Variants in TOP6BL observed in about 807,000 individuals in gnomAD.
TOP6BL encodes the protein TOP6B like initiator of meiotic double strand breaks, also known as type 2 DNA topoisomerase 6 subunit B-like.
the TOP6BL span, among the ~76,000 whole-genome samples, chr11:66,800,110 A>G: frequency 6.6e-6 from 1 of 152,140 alleles, no homozygotes; most frequent in South Asian, 2.1e-4. Context: ...TCCATTGTGT[A>G]TATACCACAT....
At chr11:66,758,835 G>A in the TOP6BL span, among the ~76,000 whole-genome samples, 4 of 152,042 alleles carry the variant, frequency 2.6e-5, no homozygotes, top group Admixed American at 1.3e-4. Context: ...CTTGCTATTC[G>A]GTTATCTCTA....
the TOP6BL span, among the ~76,000 whole-genome samples, chr11:66,822,981 AGACT>A: frequency 6.7e-6 from 1 of 149,108 alleles, no homozygotes; most frequent in Non-Finnish European, 1.5e-5. Context: ...CCTGGGCAAC[AGACT>A]GAGACCTGTC....
At chr11:66,818,351 C>G in the TOP6BL span, among the ~76,000 whole-genome samples, 1 of 152,266 alleles carries the variant, frequency 6.6e-6, no homozygotes, top group South Asian at 2.1e-4. Context: ...GCACTGTTTC[C>G]TGGGGCTCTG....
chr11:66,758,895 TG>T, the TOP6BL span: 1 of 465,050 alleles, frequency 2.2e-6, no homozygotes, highest in Non-Finnish European at 3.8e-6. Flanking sequence ...AGTATTTCTT[TG>T]ATGTTTCCAT....
chr11:66,835,082 G>C, the TOP6BL span, among the ~76,000 whole-genome samples: 1 of 152,148 alleles, frequency 6.6e-6, no homozygotes, highest in South Asian at 2.1e-4. Context: ...TAAATCCAAG[G>C]TGTATTCTGA....
At chr11:66,824,465 C>CT in the TOP6BL span, among the ~76,000 whole-genome samples, 30 of 133,660 alleles carry the variant, frequency 2.2e-4, no homozygotes, top group Non-Finnish European at 4.3e-4. Flanking sequence ...TATTATTATA[C>CT]TTTAAGTTTT....
the TOP6BL span, chr11:66,759,052 C>T: frequency 1.3e-6 from 2 of 1,569,026 alleles, no homozygotes; most frequent in Middle Eastern, 1.7e-4. Flanking sequence ...GTTGCTTCTG[C>T]AGGAAGCCTT....
the TOP6BL span, among the ~76,000 whole-genome samples, chr11:66,819,182 C>G: frequency 2.6e-5 from 4 of 152,140 alleles, no homozygotes; most frequent in Non-Finnish European, 5.9e-5. Flanking sequence ...TTCCATGTGT[C>G]TTTAAGAAAA....
chr11:66,761,677 G>C, the TOP6BL span: 2 of 987,362 alleles, frequency 2.0e-6, no homozygotes, highest in Non-Finnish European at 3.1e-6. Flanking sequence ...CAAAAATGTT[G>C]TCCACCCCTT....
At chr11:66,819,593 A>G in the TOP6BL span, among the ~76,000 whole-genome samples, 2 of 152,150 alleles carry the variant, frequency 1.3e-5, no homozygotes, top group South Asian at 2.1e-4. Flanking sequence ...CAACACAGCG[A>G]GACCTCGTCT....
At chr11:66,822,948 G>A in the TOP6BL span, among the ~76,000 whole-genome samples, 6 of 150,888 alleles carry the variant, frequency 4.0e-5, no homozygotes, top group Admixed American at 2.7e-4. Context: ...AGGCTGAGCC[G>A]TGATCATGCC....
At chr11:66,835,847 A>G in the TOP6BL span, among the ~76,000 whole-genome samples, 17 of 152,358 alleles carry the variant, frequency 1.1e-4, no homozygotes, top group East Asian at 1.2e-3. Flanking sequence ...GCTATTATGA[A>G]TATGCTGTTA....
the TOP6BL span, among the ~76,000 whole-genome samples, chr11:66,767,467 T>C: frequency 6.6e-6 from 1 of 152,204 alleles, no homozygotes; most frequent in Non-Finnish European, 1.5e-5. Flanking sequence ...TTTATAGATC[T>C]TTATTTTGCT....
At chr11:66,812,465 C>G in the TOP6BL span, among the ~76,000 whole-genome samples, 10 of 152,100 alleles carry the variant, frequency 6.6e-5, no homozygotes, top group African/African-American at 2.2e-4. Context: ...TGTGAGCCAC[C>G]GCGCCTGGCC....
chr11:66,811,490 C>T, the TOP6BL span, among the ~76,000 whole-genome samples: 1 of 152,140 alleles, frequency 6.6e-6, no homozygotes, highest in South Asian at 2.1e-4. Flanking sequence ...CTGTGCCCAG[C>T]CTATACTCTT....
chr11:66,795,311 T>G, the TOP6BL span, among the ~76,000 whole-genome samples: 17 of 150,566 alleles, frequency 1.1e-4, no homozygotes, highest in Non-Finnish European at 4.4e-5. Flanking sequence ...TCTTTTTTTT[T>G]TTTTTTTCGA....
chr11:66,745,221 G>T, the TOP6BL span, among the ~76,000 whole-genome samples: 1 of 151,702 alleles, frequency 6.6e-6, no homozygotes, highest in South Asian at 2.1e-4. Flanking sequence ...GGAGGTGCCT[G>T]CCGGAGCCCA....
the TOP6BL span, among the ~76,000 whole-genome samples, chr11:66,769,706 T>TTTTATTTA: frequency 6.6e-6 from 1 of 151,482 alleles, no homozygotes; most frequent in African/African-American, 2.4e-5. Context: ...AGATTAGCAG[T>TTTTATTTA]TTTATTTATT....
the TOP6BL span, among the ~76,000 whole-genome samples, chr11:66,787,551 CAA>C: frequency 3.5e-3 from 318 of 92,070 alleles, no homozygotes; most frequent in Non-Finnish European, 4.5e-3. Flanking sequence ...ATTAAAAATA[CAA>C]AAAAAAAAAA....
Sources: allele counts gnomAD v4.1 joint callset (sites outside exome capture counted in the v4.1 genomes callset), GRCh38; gene constraint gnomAD v4.1.1; transcripts MANE v1.5; gene names NCBI Gene and HGNC (gene_info 2026-07-23, HGNC 2026-07-21).